The following FSD1L variants were observed in gnomAD, a reference collection of about 807,000 sequenced individuals.
FSD1L encodes the protein fibronectin type III and SPRY domain containing 1 like, also known as FSD1-like protein.
FSD1L carries 45 observed loss-of-function variants against 71.6 expected under a neutral mutation model. That is an observed-to-expected ratio of 0.63 (90% CI 0.49 to 0.81). FSD1L has a LOEUF of 0.81. Ranked by LOEUF, FSD1L falls within the 30% of genes least tolerant of loss-of-function variation. The pLI, the probability that FSD1L is intolerant of heterozygous loss-of-function variation, is 0.00. For synonymous variants in FSD1L, 197 were observed against 207.2 expected, an observed-to-expected ratio of 0.95 and a Z score of 0.42; for missense variants, 561 against 618.1, an observed-to-expected ratio of 0.91 and a Z score of 0.98.
chr9:105,491,926 T>G (rs1407605049), intron 7 of FSD1L, among the ~76,000 whole-genome samples: 1 of 152,220 alleles, frequency 6.6e-6, no homozygotes, highest in South Asian at 2.1e-4. Flanking sequence ...GATTTTTGCA[T>G]CAATGTTCAT....
chr9:105,485,064 G>T lies in FSD1L; in HGVS notation c.586+562G>T, dbSNP rs140759123. 1.6e-4 allele frequency among the ~76,000 whole-genome samples: 25 copies of T among 152,220 alleles called. No homozygotes were observed. In the East Asian group the frequency reaches 4.3e-3, roughly 26 times the overall value. On this transcript the variant is annotated intron_variant, in intron 7 of 13. Coordinates refer to ENST00000481272, the MANE Select transcript of FSD1L (RefSeq NM_001145313.3). ...TATTTTATTAAAGTATTAACATGAG[G>T]ATATTGCAGTAGCCAAAACCATTTG...
In FSD1L at chr9:105,546,609, T is replaced by G; in HGVS notation, c.*126T>G. 5.5e-6 allele frequency: 5 copies of G among 909,036 alleles called. No individual in the cohort carries two copies. The highest frequency in any genetic ancestry group is 7.8e-6 in the Non-Finnish European group (5 of 639,822). The allele number at this position is 909,036 out of a possible 1,614,324, so 56.3% of individuals were successfully genotyped here. ...GTGTTCTGCTTTGAGGCCTGGAATCTTTTATCATTAAACACCTAGTACGAA... is the reference window on the plus strand; with the variant it reads ...GTGTTCTGCTTTGAGGCCTGGAATCGTTTATCATTAAACACCTAGTACGAA... On this transcript the variant is annotated 3_prime_UTR_variant, in exon 14 of 14. Coordinates refer to ENST00000481272, the MANE Select transcript of FSD1L (RefSeq NM_001145313.3).
chr9:105,458,297 G>A (rs1830478872), intron 1 of FSD1L, among the ~76,000 whole-genome samples: 1 of 152,112 alleles, frequency 6.6e-6, no homozygotes, highest in African/African-American at 2.4e-5. Flanking sequence ...AGCTTGGTGA[G>A]CTGGCCAGGA....
intron 13 of FSD1L, among the ~76,000 whole-genome samples, chr9:105,541,570 A>T (rs563289777): frequency 9.2e-5 from 14 of 152,018 alleles, no homozygotes; most frequent in Middle Eastern, 3.4e-3. Context: ...GCTTGTTAAA[A>T]TTTTTTTTCC....
chr9:105,511,373 G>C (rs1834387121), intron 9 of FSD1L, among the ~76,000 whole-genome samples: 1 of 152,178 alleles, frequency 6.6e-6, no homozygotes, highest in South Asian at 2.1e-4. Flanking sequence ...TCTCAAAAAT[G>C]TAGAAGCTCT....
At chr9:105,512,591 A>T (rs1440984503) in intron 9 of FSD1L, among the ~76,000 whole-genome samples, 1 of 152,116 alleles carries the variant, frequency 6.6e-6, no homozygotes, top group Non-Finnish European at 1.5e-5. Context: ...GTTGGTGTAT[A>T]GGATATATAG....
chr9:105,533,720 C>T (rs993098633), intron 10 of FSD1L, among the ~76,000 whole-genome samples: 2 of 13,730 alleles, frequency 1.5e-4, no homozygotes, highest in Middle Eastern at 0.042. Context: ...CGCGTGCAGC[C>T]CCCCCGTCCC....
chr9:105,456,658 T>A (rs1400175944), intron 1 of FSD1L, among the ~76,000 whole-genome samples: 3 of 152,212 alleles, frequency 2.0e-5, no homozygotes, highest in Admixed American at 1.3e-4. Context: ...AAATCCATAG[T>A]CACATCATTG....
chr9:105,454,357 C>T (rs1168608833), intron 1 of FSD1L, among the ~76,000 whole-genome samples: 2 of 152,156 alleles, frequency 1.3e-5, no homozygotes, highest in East Asian at 1.9e-4. Flanking sequence ...TTTGTTGTAT[C>T]TTTTTGTTGA....
chr9:105,503,266 T>C, intron 7 of FSD1L, among the ~76,000 whole-genome samples: 1 of 152,118 alleles, frequency 6.6e-6, no homozygotes, highest in East Asian at 1.9e-4. Context: ...GCATAAAAAT[T>C]TTCTATAAGA....
chr9:105,504,957 A>G (rs992299554), intron 7 of FSD1L, among the ~76,000 whole-genome samples: 7 of 152,182 alleles, frequency 4.6e-5, no homozygotes, highest in African/African-American at 1.7e-4. Context: ...TCCTCCATAT[A>G]CAATTTCCCC....
At chr9:105,477,245 C>CT (rs1831865022) in intron 5 of FSD1L, among the ~76,000 whole-genome samples, 3 of 151,986 alleles carry the variant, frequency 2.0e-5, no homozygotes, top group Admixed American at 1.3e-4. Flanking sequence ...TAATATTTCT[C>CT]TAAGTTTGAA....
chr9:105,529,290 T>A (rs1835737287), intron 10 of FSD1L, among the ~76,000 whole-genome samples: 1 of 152,176 alleles, frequency 6.6e-6, no homozygotes, highest in Non-Finnish European at 1.5e-5. Flanking sequence ...CCCAAAGGAT[T>A]TATAAATCCT....
chr9:105,498,655 T>C (rs139986138), intron 7 of FSD1L, among the ~76,000 whole-genome samples: 3 of 152,376 alleles, frequency 2.0e-5, no homozygotes, highest in Admixed American at 2.0e-4. Flanking sequence ...TTCAGTGTTA[T>C]AATTTCCCTC....
At chr9:105,476,020 A>G (rs1467607341) in intron 5 of FSD1L, among the ~76,000 whole-genome samples, 2 of 152,218 alleles carry the variant, frequency 1.3e-5, no homozygotes, top group African/African-American at 2.4e-5. Flanking sequence ...AAAAAAAGAT[A>G]GAAACAATAA....
At chr9:105,443,255 T>C (rs1246482748), upstream of FSD1L, among the ~76,000 whole-genome samples, 1 of 152,230 alleles carries the variant, frequency 6.6e-6, no homozygotes, top group African/African-American at 2.4e-5. Context: ...CACAGTTCCA[T>C]GTGGCTGCAG....
rs1464537275 is a variant in FSD1L at position 105,549,430 on chromosome 9, A to C, written c.*2947A>C. 6.6e-6 allele frequency: 1 copy of C among 152,106 alleles called. No homozygotes were observed. The highest frequency in any genetic ancestry group is 2.4e-5 in the African/African-American group (1 of 41,462). The allele number at this position is 152,106 out of a possible 1,614,324, so 9.4% of individuals were successfully genotyped here. On this transcript the variant is annotated 3_prime_UTR_variant, in exon 14 of 14. Coordinates refer to ENST00000481272, the MANE Select transcript of FSD1L (RefSeq NM_001145313.3). ...TACCAAGCATTAATAACTAATGCAC[A>C]CAGAAATTTAATATACAGCAATTCT...
chr9:105,525,396 A>G, intron 10 of FSD1L: 1 of 1,604,048 alleles, frequency 6.2e-7, no homozygotes. Flanking sequence ...TTTCTGAAAA[A>G]CAAGAAAGTG....
chr9:105,528,001 A>G (rs973476030), intron 10 of FSD1L, among the ~76,000 whole-genome samples: 4 of 152,218 alleles, frequency 2.6e-5, no homozygotes, highest in Non-Finnish European at 5.9e-5. Context: ...TACCCCAATG[A>G]CAGGCAAACA....
Sources: gnomAD v4.1 joint callset for allele counts (sites outside exome capture counted in the v4.1 genomes callset) on GRCh38, gnomAD v4.1.1 for gene constraint, MANE v1.5 for transcripts, NCBI Gene and HGNC (gene_info 2026-07-23, HGNC 2026-07-21) for gene names.